Variants in TBC1D1 observed in about 807,000 individuals in gnomAD.
The protein encoded by TBC1D1 is TBC1 domain family member 1.
In TBC1D1, 89 loss-of-function variants were observed where a neutral mutation model predicts 125.6. That is an observed-to-expected ratio of 0.71 (90% CI 0.60 to 0.85). The LOEUF (loss-of-function observed/expected upper bound fraction) is 0.85. TBC1D1 is among the 40% of genes least tolerant of loss of function. TBC1D1 has a pLI of 0.00. For synonymous variants in TBC1D1, 565 were observed against 564.1 expected, an observed-to-expected ratio of 1.00 and a Z score of -0.02; for missense variants, 1,377 against 1,469.2, an observed-to-expected ratio of 0.94 and a Z score of 1.03.
intron 13 of TBC1D1, among the ~76,000 whole-genome samples, chr4:38,091,052 C>T (rs970116112): frequency 2.6e-5 from 4 of 152,116 alleles, no homozygotes; most frequent in African/African-American, 7.2e-5. Context: ...AGTGTCATAG[C>T]GAGTGGATAG....
chr4:37,965,835 C>T (rs910652385), intron 2 of TBC1D1, among the ~76,000 whole-genome samples: 2 of 152,124 alleles, frequency 1.3e-5, no homozygotes, highest in African/African-American at 4.8e-5. Context: ...ACTACAACCT[C>T]CACCTCCCAG....
intron 11 of TBC1D1, among the ~76,000 whole-genome samples, chr4:38,053,950 C>G (rs1273029030): frequency 1.3e-5 from 2 of 152,190 alleles, no homozygotes; most frequent in Admixed American, 6.5e-5. Flanking sequence ...GAACATGTTT[C>G]TTAATCTCTG....
intron 18 of TBC1D1, among the ~76,000 whole-genome samples, chr4:38,126,684 G>A (rs553971253): frequency 6.6e-6 from 1 of 152,246 alleles, no homozygotes; most frequent in East Asian, 1.9e-4. Flanking sequence ...GGCTTGTTGG[G>A]GCCTTGCTTT....
At chr4:38,079,191 T>C (rs1347898010) in intron 12 of TBC1D1, among the ~76,000 whole-genome samples, 2 of 152,098 alleles carry the variant, frequency 1.3e-5, no homozygotes, top group Non-Finnish European at 2.9e-5. Flanking sequence ...GATCTTAGCT[T>C]TTAGTAGTAT....
intron 13 of TBC1D1, among the ~76,000 whole-genome samples, chr4:38,090,832 A>C (rs2152539616): frequency 6.6e-6 from 1 of 152,360 alleles, no homozygotes; most frequent in East Asian, 1.9e-4. Flanking sequence ...TTCAAAGGGA[A>C]GATGTAGCAG....
intron 12 of TBC1D1, among the ~76,000 whole-genome samples, chr4:38,089,691 A>G (rs1309544788): frequency 6.6e-6 from 1 of 152,250 alleles, no homozygotes; most frequent in African/African-American, 2.4e-5. Flanking sequence ...CACCTTAAAA[A>G]GCAGGTATCT....
At chr4:37,972,254 G>T (rs919001430) in intron 2 of TBC1D1, among the ~76,000 whole-genome samples, 1 of 152,084 alleles carries the variant, frequency 6.6e-6, no homozygotes, top group Admixed American at 6.5e-5. Flanking sequence ...GGCTGAGGCG[G>T]GTGGATCACC....
rs556384925 is a variant in TBC1D1 at position 38,125,193 on chromosome 4, C to G, written c.3132+62C>G. ...ATCCTAGATATGTAGAAACTTAAAT[C>G]TCTCTTGAGCAGGAACTGTTTCCTA... On this transcript the variant is annotated intron_variant, in intron 18 of 19. Transcript: ENST00000261439. The G allele has an allele frequency of 8.8e-5, 134 of 1,516,934 alleles. 1 individual carries two copies. In the South Asian group the frequency reaches 1.5e-3, roughly 17 times the overall value. 94.0% of individuals were successfully genotyped at this position (1,516,934 alleles called of 1,614,324 possible). A position where few individuals can be genotyped will look rare whatever the true frequency, so the allele number is the denominator to read the frequency against.
chr4:38,093,471 C>T (rs988102890), intron 13 of TBC1D1, among the ~76,000 whole-genome samples: 1 of 151,558 alleles, frequency 6.6e-6, no homozygotes, highest in African/African-American at 2.4e-5. Context: ...AGCGCTGCCT[C>T]TCTTTGAAGA....
At chr4:37,994,976 C>A (rs1418126925) in intron 2 of TBC1D1, among the ~76,000 whole-genome samples, 1 of 152,074 alleles carries the variant, frequency 6.6e-6, no homozygotes, top group Non-Finnish European at 1.5e-5. Flanking sequence ...CGTACTTAAC[C>A]TGTATCACCA....
intron 2 of TBC1D1, among the ~76,000 whole-genome samples, chr4:37,950,439 C>T (rs547757380): frequency 6.6e-6 from 1 of 150,772 alleles, no homozygotes; most frequent in Non-Finnish European, 1.5e-5. Flanking sequence ...CCCTTTATGC[C>T]GTCTTTGCAA....
chr4:38,066,838 T>C (rs1753813371), intron 12 of TBC1D1, among the ~76,000 whole-genome samples: 1 of 152,214 alleles, frequency 6.6e-6, no homozygotes, highest in African/African-American at 2.4e-5. Flanking sequence ...ATATCACTTC[T>C]ATATAAATGA....
At chr4:38,007,715 G>A (rs966548211) in intron 2 of TBC1D1, among the ~76,000 whole-genome samples, 1 of 152,048 alleles carries the variant, frequency 6.6e-6, no homozygotes, top group African/African-American at 2.4e-5. Flanking sequence ...AGTCTTTTTT[G>A]TCTTTGCCAG....
intron 12 of TBC1D1, among the ~76,000 whole-genome samples, chr4:38,080,713 G>A (rs1756397838): frequency 6.6e-6 from 1 of 151,930 alleles, no homozygotes; most frequent in African/African-American, 2.4e-5. Context: ...TCTCTTCTGA[G>A]GTTGGACCTG....
chr4:37,900,407 C>CT (rs10612576), intron 1 of TBC1D1, among the ~76,000 whole-genome samples: 20,394 of 140,376 alleles, frequency 0.15, 1,577 homozygotes, highest in East Asian at 0.22. Flanking sequence ...AAGGAAATAT[C>CT]TTTTTTTTTT....
chr4:37,985,801 G>T (rs952078992), intron 2 of TBC1D1, among the ~76,000 whole-genome samples: 4 of 152,194 alleles, frequency 2.6e-5, no homozygotes, highest in African/African-American at 9.7e-5. Context: ...AGGGAGACCT[G>T]TGGAGATAAT....
chr4:37,907,144 T>G (rs1717514528), intron 2 of TBC1D1, among the ~76,000 whole-genome samples: 1 of 152,248 alleles, frequency 6.6e-6, no homozygotes, highest in African/African-American at 2.4e-5. Context: ...GATTCTCTAT[T>G]CATTCTGTTG....
At chr4:37,983,938 C>T (rs1347165127) in intron 2 of TBC1D1, among the ~76,000 whole-genome samples, 1 of 152,350 alleles carries the variant, frequency 6.6e-6, no homozygotes, top group Non-Finnish European at 1.5e-5. Context: ...TGGCAACCCA[C>T]TAATCTTCAT....
intron 15 of TBC1D1, among the ~76,000 whole-genome samples, chr4:38,108,856 T>G (rs12506500): frequency 2.6e-5 from 4 of 152,250 alleles, no homozygotes; most frequent in African/African-American, 7.2e-5. Context: ...AGATGAGAAG[T>G]AGGAGAACCT....
Sources: gnomAD v4.1 joint callset for allele counts (sites outside exome capture counted in the v4.1 genomes callset) on GRCh38, gnomAD v4.1.1 for gene constraint, MANE v1.5 for transcripts, NCBI Gene and HGNC (gene_info 2026-07-23, HGNC 2026-07-21) for gene names.